METTL5: variants seen among roughly 807,000 people sequenced by gnomAD.
METTL5 encodes methyltransferase 5, N6-adenosine.
In METTL5, 28 loss-of-function variants were observed where a neutral mutation model predicts 26.5. That is an observed-to-expected ratio of 1.06 (90% CI 0.78 to 1.45). The LOEUF is 1.45. METTL5 is among the 40% of genes most tolerant of loss of function. The pLI is 0.00. For synonymous variants in METTL5, 86 were observed against 82.6 expected, an observed-to-expected ratio of 1.04 and a Z score of -0.22; for missense variants, 231 against 249.9, an observed-to-expected ratio of 0.92 and a Z score of 0.51.
chr2:169,815,777 A>G (rs1173517793), intron 4 of METTL5, among the ~76,000 whole-genome samples: 6 of 152,212 alleles, frequency 3.9e-5, no homozygotes, highest in African/African-American at 1.4e-4. Context: ...ACATAATGCC[A>G]TTTGGGGTTA....
At chr2:169,813,115 G>A (rs1003036230) in intron 5 of METTL5, 6 of 145,764 alleles carry the variant, frequency 4.1e-5, no homozygotes, top group African/African-American at 1.5e-4. Flanking sequence ...GGTCTGGGTG[G>A]AGTCTGAAAT....
chr2:169,819,463 A>G, intron 4 of METTL5, 98 bp downstream of exon 4: 1 of 845,626 alleles, frequency 1.2e-6, no homozygotes. Context: ...GGTCAGGAGA[A>G]ATAGATACTG....
In METTL5 at chr2:169,824,827, G is replaced by A. The variant is rs2081632261; in HGVS notation, c.-230C>T. 1 of 435,264 alleles carries A rather than the reference G, an allele frequency of 2.3e-6. No individual in the cohort carries two copies. The highest frequency in any genetic ancestry group is 4.2e-6 in the Non-Finnish European group (1 of 236,768). 27.0% of individuals were successfully genotyped at this position (435,264 alleles called of 1,614,324 possible). The stretch of plus-strand genomic sequence containing the variant: ...CCCCAGGAGACGGCGGCGGCGCACT[G>A]CTGGAGCAGCCTCAGGATCCCTCGC... On this transcript the variant is annotated 5_prime_UTR_variant, in exon 1 of 7. Transcript: ENST00000260953.
intron 4 of METTL5, among the ~76,000 whole-genome samples, chr2:169,817,539 C>G (rs1258900605): frequency 6.6e-6 from 1 of 152,142 alleles, no homozygotes; most frequent in Non-Finnish European, 1.5e-5. Context: ...CTCAAATGTC[C>G]ATCGATAATA....
intron 4 of METTL5, among the ~76,000 whole-genome samples, chr2:169,817,654 CTA>C (rs771539823): frequency 1.3e-4 from 19 of 149,786 alleles, no homozygotes; most frequent in Middle Eastern, 3.4e-3. Context: ...TCTCAGCAAA[CTA>C]TCACAAGGAC....
chr2:169,822,005 G>C lies in METTL5; in HGVS notation c.162C>G (p.Val54=), dbSNP rs749295274. The change falls in exon 2 of 7, where the codon GTC becomes GTG. Residue 54 remains valine, a synonymous_variant. Transcript: ENST00000260953. ...CACAACCACATCCTAGATCTGCAAC[G>C]ACTTTATTTTCAATGTCATCATAAG... ...HNTYDDIENK[V]VADLGCGCGV... The C allele has an allele frequency of 9.9e-6, 16 of 1,612,380 alleles. No homozygotes were observed. Among genetic ancestry groups the C allele is most frequent in the Non-Finnish European group, 5.9e-6 (7 of 1,179,856 alleles).
At chr2:169,823,326 A>G (rs2081609689) in intron 1 of METTL5, among the ~76,000 whole-genome samples, 1 of 152,190 alleles carries the variant, frequency 6.6e-6, no homozygotes, top group African/African-American at 2.4e-5. Flanking sequence ...ACCTACAGTC[A>G]GAAGACTAGT....
chr2:169,821,007 C>A, intron 3 of METTL5, 85 bp downstream of exon 3: 1 of 1,147,266 alleles, frequency 8.7e-7, no homozygotes, highest in Non-Finnish European at 1.2e-6. Context: ...TGGCATTACA[C>A]GCCTGAGCCA....
Position 169,824,488 on chromosome 2 carries a change from C to A in METTL5, c.109+1G>T. On this transcript the variant is annotated splice_donor_variant, in intron 1 of 6. Transcript: ENST00000260953. LOFTEE classifies it high-confidence loss of function. ...GGGGCGTGGTGAACCAGCCGCCCTA[C>A]CTGCAATGTGCGGCCTGGTAGGATA... 2 of 1,612,760 alleles carry A rather than the reference C, an allele frequency of 1.2e-6. No individual in the cohort carries two copies. The highest frequency in any genetic ancestry group is 1.7e-6 in the Non-Finnish European group (2 of 1,178,724).
At chr2:169,813,925 CATT>C (rs1172604417) in intron 5 of METTL5, among the ~76,000 whole-genome samples, 2 of 152,066 alleles carry the variant, frequency 1.3e-5, no homozygotes, top group Admixed American at 6.5e-5. Flanking sequence ...GTGTATATTA[CATT>C]ATTATTATGA....
In METTL5 at chr2:169,824,537, T is replaced by G. The variant is rs1269355587; in HGVS notation, c.61A>C (p.Lys21Gln). ...SRLQQVDGFE[K>Q]PKLLLEQYPT... ...TACTGTTCCAGAAGTAGCTTGGGCT[T>G]TTCAAATCCATCCACTTGTTGCAGG... The change falls in exon 1 of 7, where the codon AAG becomes CAG. Residue 21 changes from lysine (K) to glutamine (Q), a missense_variant. Lys to Gln is a moderately conservative substitution (Grantham distance 53, BLOSUM62 1). Transcript: ENST00000260953. 1 of 1,614,210 alleles carries G rather than the reference T, an allele frequency of 6.2e-7. No homozygotes were observed. The highest frequency in any genetic ancestry group is 8.5e-7 in the Non-Finnish European group (1 of 1,180,022).
intron 6 of METTL5, chr2:169,812,151 A>G: frequency 9.0e-6 from 5 of 554,188 alleles, no homozygotes; most frequent in Non-Finnish European, 1.5e-5. Flanking sequence ...CCTTTCCCAC[A>G]GGCCATTTAT....
chr2:169,819,156 A>C (rs2081549800), intron 4 of METTL5, among the ~76,000 whole-genome samples: 1 of 152,214 alleles, frequency 6.6e-6, no homozygotes, highest in East Asian at 1.9e-4. Flanking sequence ...CTGAACTCAG[A>C]TCTGTTTAGC....
intron 1 of METTL5, among the ~76,000 whole-genome samples, chr2:169,822,447 T>C (rs2081598425): frequency 6.6e-6 from 1 of 152,200 alleles, no homozygotes; most frequent in African/African-American, 2.4e-5. Context: ...TAAGAGTAAA[T>C]AGTTTTTAAA....
At chr2:169,823,437 A>G (rs2081610681) in intron 1 of METTL5, among the ~76,000 whole-genome samples, 1 of 152,224 alleles carries the variant, frequency 6.6e-6, no homozygotes, top group South Asian at 2.1e-4. Flanking sequence ...GTGTAAATAC[A>G]CATGTATTCT....
intron 6 of METTL5, 143 bp from the exon 7 acceptor site, chr2:169,812,001 T>C (rs1689978405): frequency 1.1e-6 from 1 of 927,702 alleles, no homozygotes; most frequent in Admixed American, 2.7e-5. Flanking sequence ...ATTGCCTTTG[T>C]AATATGAGAA....
At chr2:169,817,762 T>C (rs953293468) in intron 4 of METTL5, among the ~76,000 whole-genome samples, 2 of 99,280 alleles carry the variant, frequency 2.0e-5, no homozygotes, top group Non-Finnish European at 2.0e-5. Context: ...CGGGGGCCTG[T>C]TGGGGGGTGG....
rs1319630415 is a variant in METTL5 at position 169,814,477 on chromosome 2, A to AAAAAAAAAAAAAAG, written c.541+999_541+1000insCTTTTTTTTTTTTT. On this transcript the variant is annotated intron_variant, in intron 5 of 6. Transcript: ENST00000260953. ...GAGCAAGGCTTTGTCTCAAAAAAAA[A>AAAAAAAAAAAAAAG]AAAAGAAAAAAGAAAATGAAATTAG... Among the ~76,000 whole-genome samples, 5 of 149,598 alleles carry AAAAAAAAAAAAAAG rather than the reference A, an allele frequency of 3.3e-5. No homozygotes were observed. The East Asian group carries it at 9.7e-4, about 29-fold the overall frequency.
intron 6 of METTL5, 141 bp downstream of exon 6, chr2:169,812,316 C>T (rs771046754): frequency 6.9e-7 from 1 of 1,454,988 alleles, no homozygotes; most frequent in Non-Finnish European, 9.6e-7. Flanking sequence ...TCTCAGCTCA[C>T]TGCAACCTCT....
Sources: gnomAD v4.1 joint callset for allele counts (sites outside exome capture counted in the v4.1 genomes callset) on GRCh38, gnomAD v4.1.1 for gene constraint, MANE v1.5 for transcripts, NCBI Gene and HGNC (gene_info 2026-07-23, HGNC 2026-07-21) for gene names.